OCM2: variants seen among roughly 807,000 people sequenced by gnomAD.
The protein encoded by OCM2 is oncomodulin-2.
Under a neutral mutation model 13.6 loss-of-function variants are expected in OCM2, and 6 were observed. The ratio of observed to expected loss-of-function variants is 0.44; its 90% CI spans 0.24 to 0.87. The LOEUF is 0.87. Among genes scored for constraint, OCM2 ranks in the 40% least tolerant of loss-of-function variants. The pLI is 0.22. For synonymous variants in OCM2, 40 were observed against 50.7 expected (o/e 0.79, Z 0.90); for missense variants, 118 against 136.8 (o/e 0.86, Z 0.68).
rs1411327344 is a variant in OCM2, at chr7:97,989,738, C to T, written c.61+306G>A. The stretch of plus-strand genomic sequence containing the variant: ...TTTTTTTTTTTTTTGTAGACAGAGT[C>T]TACAAAAAAGGCCGGGTTCAAGCAA... On this transcript the variant is annotated intron_variant, in intron 1 of 3. Coordinates refer to ENST00000257627, the Ensembl canonical transcript of OCM2. Among the ~76,000 whole-genome samples the T allele has an allele frequency of 5.4e-5, 8 of 147,814 alleles. No individual in the cohort carries two copies. In the East Asian group the frequency reaches 1.6e-3, roughly 30 times the overall value.
At chr7:97,988,603 G>A (rs1794696436) in intron 1 of OCM2, 55 bp from the exon 2 acceptor site, 1 of 1,607,222 alleles carries the variant, frequency 6.2e-7, no homozygotes, top group Non-Finnish European at 8.5e-7. Flanking sequence ...TTCTATGTTG[G>A]GGCCAAGGTA....
chr7:97,990,130 C>T lies in OCM2; in HGVS notation c.-26G>A, dbSNP rs13307614. On this transcript the variant is annotated 5_prime_UTR_variant, in exon 1 of 4. Transcript: ENST00000257627. ...TTTCTACCTACTCACACAGAATAAACGAGAGGCGATAAGCCACAAACAGGA... is the reference window on the plus strand; with the variant it reads ...TTTCTACCTACTCACACAGAATAAATGAGAGGCGATAAGCCACAAACAGGA... 74 of 1,554,348 alleles carry T rather than the reference C, an allele frequency of 4.8e-5. 1 individual carries two copies. In the Middle Eastern group the frequency reaches 5.2e-4, roughly 11 times the overall value.
At chr7:97,986,989 C>A (rs936713594) in intron 3 of OCM2, 58 bp downstream of exon 3, 4 of 1,607,720 alleles carry the variant, frequency 2.5e-6, no homozygotes, top group Admixed American at 1.7e-5. Context: ...ACAGCCCAAC[C>A]CCTCACGGAT....
At chr7:97,988,607 C>T in intron 1 of OCM2, 59 bp from the exon 2 acceptor site, 1 of 1,602,266 alleles carries the variant, frequency 6.2e-7, no homozygotes, top group Non-Finnish European at 8.5e-7. Flanking sequence ...ATGTTGGGGC[C>T]AAGGTACTGA....
At chr7:97,988,892 G>A (rs1794699756) in intron 1 of OCM2, among the ~76,000 whole-genome samples, 1 of 151,314 alleles carries the variant, frequency 6.6e-6, no homozygotes, top group African/African-American at 2.4e-5. Flanking sequence ...GCAATCACTG[G>A]ATTTCAACAG....
At chr7:97,989,142 GT>G (rs1353701872) in intron 1 of OCM2, among the ~76,000 whole-genome samples, 1 of 151,710 alleles carries the variant, frequency 6.6e-6, no homozygotes, top group Non-Finnish European at 1.5e-5. Flanking sequence ...GGCTGGCCAG[GT>G]TGGTCTTGAA....
At chr7:97,985,078 C>A (rs1794656534) in intron 3 of OCM2, 95 bp from the exon 4 acceptor site, 3 of 1,540,132 alleles carry the variant, frequency 1.9e-6, no homozygotes, top group African/African-American at 1.4e-5. Context: ...GGGAAGGAAG[C>A]AAAGAAAATT....
At chr7:97,989,122 G>A (rs1464638119) in intron 1 of OCM2, among the ~76,000 whole-genome samples, 1 of 151,528 alleles carries the variant, frequency 6.6e-6, no homozygotes, top group Non-Finnish European at 1.5e-5. Context: ...ATAGAGACAG[G>A]GTTTTGTCAG....
chr7:97,987,767 C>T (rs1244115886), intron 2 of OCM2, among the ~76,000 whole-genome samples: 1 of 152,206 alleles, frequency 6.6e-6, no homozygotes, highest in Non-Finnish European at 1.5e-5. Context: ...ACTGCAACCT[C>T]TGCCTCCTGA....
chr7:97,990,176 C>T, exon 1 of OCM2: 1 of 1,336,172 alleles, frequency 7.5e-7, no homozygotes, highest in African/African-American at 1.4e-5. Flanking sequence ...CCAGGGGAAA[C>T]ACATCTTCCC....
At position 97,989,954 on chromosome 7, in the gene OCM2, G is replaced by C; in HGVS notation, c.61+90C>G. 3.7e-6 allele frequency: 5 copies of C among 1,360,894 alleles called. No individual in the cohort carries two copies. In the African/African-American group the frequency reaches 5.7e-5, roughly 16 times the overall value. 84.3% of individuals were successfully genotyped at this position (1,360,894 alleles called of 1,614,324 possible). A position where few individuals can be genotyped will look rare whatever the true frequency, so the allele number is the denominator to read the frequency against. On this transcript the variant is annotated intron_variant, in intron 1 of 3. Transcript: ENST00000257627. The stretch of plus-strand genomic sequence containing the variant: ...ATTACAGGCGTGAGCCACTGCGTCT[G>C]GCCGCCTGGCCTACATTTTGATTTT...
At chr7:97,990,016 T>TGCCCCCCCCC in intron 1 of OCM2, 28 bp downstream of exon 1, 4 of 1,083,838 alleles carry the variant, frequency 3.7e-6, no homozygotes, top group Non-Finnish European at 5.6e-6. Flanking sequence ...TGTGAGGAAA[T>TGCCCCCCCCC]CCCACCCCCG....
At chr7:97,989,405 A>G (rs1035423064) in intron 1 of OCM2, among the ~76,000 whole-genome samples, 1 of 148,866 alleles carries the variant, frequency 6.7e-6, no homozygotes, top group Non-Finnish European at 1.5e-5. Flanking sequence ...TTATTTATTT[A>G]TTTATTTATT....
At chr7:97,985,431 A>AAAGAGAAAGAAAG (rs1554366494) in intron 3 of OCM2, among the ~76,000 whole-genome samples, 1 of 131,500 alleles carries the variant, frequency 7.6e-6, no homozygotes, top group Non-Finnish European at 1.6e-5. Flanking sequence ...AAAAAAAAAA[A>AAAGAGAAAGAAAG]AAAGAAAGAA....
At chr7:97,985,971 G>A (rs1205480650) in intron 3 of OCM2, among the ~76,000 whole-genome samples, 1 of 151,868 alleles carries the variant, frequency 6.6e-6, no homozygotes, top group Non-Finnish European at 1.5e-5. Context: ...GGAGTGCAAT[G>A]GTGCCATCTT....
At chr7:97,988,261 G>A (rs934425469) in intron 2 of OCM2, among the ~76,000 whole-genome samples, 155 bp downstream of exon 2, 4 of 151,984 alleles carry the variant, frequency 2.6e-5, no homozygotes, top group Admixed American at 1.3e-4. Flanking sequence ...GTAGATGTGC[G>A]GTCAACTGAC....
At chr7:97,988,074 C>G (rs1035082191) in intron 2 of OCM2, among the ~76,000 whole-genome samples, 20 of 151,956 alleles carry the variant, frequency 1.3e-4, no homozygotes, top group African/African-American at 3.4e-4. Flanking sequence ...ACCTGTAATC[C>G]CAGCCACTTG....
At chr7:97,985,140 G>A (rs1196932828) in intron 3 of OCM2, among the ~76,000 whole-genome samples, 157 bp from the exon 4 acceptor site, 1 of 152,126 alleles carries the variant, frequency 6.6e-6, no homozygotes, top group Non-Finnish European at 1.5e-5. Flanking sequence ...AGAAAAACTG[G>A]CCGGGCACAG....
At chr7:97,988,442 G>T (rs191467604) in exon 2 of OCM2, 2 of 1,614,096 alleles carry the variant, frequency 1.2e-6, no homozygotes. Context: ...CCAGATACCC[G>T]CTCTGGTCGT....
Sources: gnomAD v4.1 joint callset for allele counts (sites outside exome capture counted in the v4.1 genomes callset) on GRCh38, gnomAD v4.1.1 for gene constraint, MANE v1.5 for transcripts, NCBI Gene and HGNC (gene_info 2026-07-23, HGNC 2026-07-21) for gene names.